KCTD1: variants seen among roughly 807,000 people sequenced by gnomAD.
KCTD1 encodes the protein BTB/POZ domain-containing protein KCTD1.
KCTD1 carries 24 observed loss-of-function variants against 66.0 expected under a neutral mutation model. That is an observed-to-expected ratio of 0.36 (90% CI 0.26 to 0.51). The LOEUF (loss-of-function observed/expected upper bound fraction) is 0.51, where lower values mean the gene tolerates loss of function less well. Ranked by LOEUF, KCTD1 falls within the 20% of genes least tolerant of loss-of-function variation. KCTD1 has a pLI of 0.95. For synonymous variants in KCTD1, 511 were observed against 517.2 expected, an observed-to-expected ratio of 0.99 and a Z score of 0.16; for missense variants, 943 against 1,205.2, an observed-to-expected ratio of 0.78 and a Z score of 3.22.
intron 1 of KCTD1, among the ~76,000 whole-genome samples, chr18:26,518,515 T>C (rs1426408696): frequency 6.6e-6 from 1 of 152,126 alleles, no homozygotes; most frequent in East Asian, 1.9e-4. Flanking sequence ...CTGCCCACCT[T>C]GGCCTCCCAA....
intron 1 of KCTD1, among the ~76,000 whole-genome samples, chr18:26,654,303 C>T (rs542970871): frequency 6.6e-6 from 1 of 152,018 alleles, no homozygotes; most frequent in African/African-American, 2.4e-5. Context: ...TCGAATAATA[C>T]GCTTTCATCA....
upstream of KCTD1, among the ~76,000 whole-genome samples, chr18:26,630,149 GGTA>G (rs1233267793): frequency 6.6e-6 from 1 of 152,110 alleles, no homozygotes; most frequent in African/African-American, 2.4e-5. Context: ...AGCAATGATG[GGTA>G]AAACTGCTGG....
At chr18:26,627,536 T>C (rs1039104550) in intron 1 of KCTD1, among the ~76,000 whole-genome samples, 1 of 152,198 alleles carries the variant, frequency 6.6e-6, no homozygotes, top group Non-Finnish European at 1.5e-5. Flanking sequence ...ATTATCCCAA[T>C]GCATTGGTCA....
chr18:26,572,821 T>C (rs1219031437), intron 1 of KCTD1, among the ~76,000 whole-genome samples: 2 of 152,188 alleles, frequency 1.3e-5, no homozygotes, highest in African/African-American at 4.8e-5. Context: ...AATCTCAAGA[T>C]AGTTGCAGGT....
intron 1 of KCTD1, among the ~76,000 whole-genome samples, chr18:26,514,952 C>A (rs911668081): frequency 3.9e-5 from 6 of 152,184 alleles, no homozygotes; most frequent in Non-Finnish European, 8.8e-5. Flanking sequence ...GATTAAGAAG[C>A]AGGCATTTGA....
At chr18:26,565,203 C>T (rs1985954745) in intron 1 of KCTD1, among the ~76,000 whole-genome samples, 1 of 152,134 alleles carries the variant, frequency 6.6e-6, no homozygotes, top group South Asian at 2.1e-4. Flanking sequence ...CAGTTCTGTT[C>T]CAGATCATCT....
intron 1 of KCTD1, among the ~76,000 whole-genome samples, chr18:26,525,719 G>A (rs1984127185): frequency 6.6e-6 from 1 of 152,026 alleles, no homozygotes; most frequent in African/African-American, 2.4e-5. Context: ...CTCCCTCCCT[G>A]CCTGGCTTCC....
chr18:26,493,515 G>T (rs1018394819), intron 2 of KCTD1, among the ~76,000 whole-genome samples: 3 of 152,060 alleles, frequency 2.0e-5, no homozygotes, highest in South Asian at 2.1e-4. Flanking sequence ...TCTAGAAAAA[G>T]AACACCTAGA....
Position 26,468,435 on chromosome 18 carries a change from A to G in KCTD1, c.2133+8080T>C, listed in dbSNP as rs1356414298. ...GAGGATCTTGTGACTTCAGGATTGA[A>G]TGCACTTGTTCACCCAGTATTAAAT... On this transcript the variant is annotated intron_variant, in intron 3 of 4. Transcript: ENST00000580059. The surrounding 1 kb of genome is among the most constrained non-coding windows in gnomAD (Gnocchi z 4.8). 6.6e-6 allele frequency among the ~76,000 whole-genome samples: 1 copy of G among 152,192 alleles called. No individual in the cohort carries two copies. Among genetic ancestry groups the G allele is most frequent in the African/African-American group, 2.4e-5 (1 of 41,438 alleles).
chr18:26,510,092 G>T (rs1983258576), intron 1 of KCTD1, among the ~76,000 whole-genome samples: 1 of 152,206 alleles, frequency 6.6e-6, no homozygotes, highest in South Asian at 2.1e-4. Context: ...CCTTCTATGG[G>T]CCTAGCGAGA....
chr18:26,597,933 C>T (rs906954440), intron 1 of KCTD1, among the ~76,000 whole-genome samples: 5 of 152,152 alleles, frequency 3.3e-5, no homozygotes, highest in Admixed American at 6.6e-5. Flanking sequence ...GGATTACAGG[C>T]GTGAGCCACC....
At chr18:26,470,788 G>A (rs1178549344) in intron 3 of KCTD1, among the ~76,000 whole-genome samples, 2 of 152,228 alleles carry the variant, frequency 1.3e-5, no homozygotes, top group African/African-American at 4.8e-5. Flanking sequence ...ACCAGGCCCA[G>A]GTAGGTTTGC....
At chr18:26,484,926 A>G (rs904060506) in intron 2 of KCTD1, among the ~76,000 whole-genome samples, 5 of 152,198 alleles carry the variant, frequency 3.3e-5, no homozygotes, top group Non-Finnish European at 7.3e-5. Flanking sequence ...TTGATGGGTG[A>G]CGTACAGACA....
At chr18:26,473,231 A>G (rs984335705) in intron 3 of KCTD1, among the ~76,000 whole-genome samples, 1 of 152,208 alleles carries the variant, frequency 6.6e-6, no homozygotes, top group Admixed American at 6.5e-5. Context: ...CCATGCAGCC[A>G]TAAAAAGGAA....
intron 1 of KCTD1, among the ~76,000 whole-genome samples, chr18:26,571,017 T>G (rs1315238908): frequency 1.3e-5 from 2 of 152,246 alleles, no homozygotes; most frequent in Non-Finnish European, 2.9e-5. Context: ...TCCATTTGTA[T>G]TTTTATTGCT....
chr18:26,481,898 G>A (rs574805342), intron 2 of KCTD1, among the ~76,000 whole-genome samples: 49 of 152,292 alleles, frequency 3.2e-4, no homozygotes, highest in African/African-American at 1.2e-3. Flanking sequence ...ACTGAGTTGA[G>A]AACCAGTGTA....
upstream of KCTD1, among the ~76,000 whole-genome samples, chr18:26,644,150 T>C (rs1471865349): frequency 1.3e-5 from 2 of 152,200 alleles, no homozygotes; most frequent in Non-Finnish European, 1.5e-5. Context: ...TTTTTTGCCT[T>C]GTATTTCTAA....
rs1329242545 is a variant in KCTD1 at position 26,575,232 on chromosome 18, T to TA, written c.-16+53914dup. The TA allele has an allele frequency of 2.6e-5, 4 of 151,946 alleles. No homozygotes were observed. The East Asian group carries it at 5.8e-4, about 22-fold the overall frequency. 9.4% of individuals were successfully genotyped at this position (151,946 alleles called of 1,614,324 possible). On this transcript the variant is annotated intron_variant, in intron 1 of 4. Coordinates refer to the KCTD1 transcript ENST00000317932. ...CTTTCACGGTGGCTTTAAAAGACCATAAAAAACAACCGAAAGTACTGCAGG... is the reference window on the plus strand; with the variant it reads ...CTTTCACGGTGGCTTTAAAAGACCATAAAAAAACAACCGAAAGTACTGCAGG...
intron 3 of KCTD1, among the ~76,000 whole-genome samples, chr18:26,465,726 A>T (rs1444575905): frequency 6.6e-6 from 1 of 152,146 alleles, no homozygotes; most frequent in Admixed American, 6.5e-5. Context: ...CCTGGCTTGG[A>T]AAGTCACGAG....
Sources: allele counts gnomAD v4.1 joint callset (sites outside exome capture counted in the v4.1 genomes callset), GRCh38; gene constraint gnomAD v4.1.1; non-coding constraint Gnocchi (gnomAD v3.1); transcripts MANE v1.5; gene names NCBI Gene and HGNC (gene_info 2026-07-23, HGNC 2026-07-21).